The following NMNAT2 variants were observed in gnomAD, a reference collection of about 807,000 sequenced individuals.
The protein encoded by NMNAT2 is nicotinamide nucleotide adenylyltransferase 2, also known as nicotinamide/nicotinic acid mononucleotide adenylyltransferase 2.
Under a neutral mutation model 41.6 loss-of-function variants are expected in NMNAT2, and 11 were observed. The observed-to-expected ratio is 0.26, with a 90% CI of 0.17 to 0.44. The LOEUF is 0.44. Ranked by LOEUF, NMNAT2 falls within the 20% of genes least tolerant of loss-of-function variation. The probability of loss-of-function intolerance (pLI) is 1.00; values close to 1 mark genes in which losing one functional copy is unlikely to be tolerated. For missense variants in NMNAT2, 288 were observed against 407.7 expected (o/e 0.71, Z 2.53); for synonymous variants, 148 against 151.2 (o/e 0.98, Z 0.16).
intron 10 of NMNAT2, among the ~76,000 whole-genome samples, chr1:183,258,718 G>A (rs1208322983): frequency 1.3e-5 from 2 of 151,990 alleles, no homozygotes; most frequent in Non-Finnish European, 2.9e-5. Flanking sequence ...GCAATATTTT[G>A]TAGACCCTGC....
chr1:183,262,489 T>C (rs1405476262), intron 8 of NMNAT2, among the ~76,000 whole-genome samples: 1 of 152,226 alleles, frequency 6.6e-6, no homozygotes, highest in Non-Finnish European at 1.5e-5. Context: ...GAGCATTTTC[T>C]TACATTGTTA....
At chr1:183,371,281 A>G (rs994086151) in intron 1 of NMNAT2, among the ~76,000 whole-genome samples, 2 of 152,234 alleles carry the variant, frequency 1.3e-5, no homozygotes, top group Admixed American at 1.3e-4. Flanking sequence ...AACTGTGGAC[A>G]CTGTAAAAAG....
intron 1 of NMNAT2, among the ~76,000 whole-genome samples, chr1:183,308,445 C>T (rs1662043284): frequency 6.6e-6 from 1 of 152,150 alleles, no homozygotes; most frequent in Non-Finnish European, 1.5e-5. Flanking sequence ...CTGGCACTTC[C>T]ACCTCCAGGA....
intron 1 of NMNAT2, 92 bp from the exon 2 acceptor site, chr1:183,293,885 G>A (rs553951914): frequency 3.5e-6 from 3 of 861,748 alleles, no homozygotes; most frequent in Non-Finnish European, 5.7e-6. Flanking sequence ...CTGTAATGCT[G>A]GGGTTTATTT....
intron 1 of NMNAT2, among the ~76,000 whole-genome samples, chr1:183,348,359 G>A (rs866457064): frequency 6.6e-6 from 1 of 152,184 alleles, no homozygotes; most frequent in East Asian, 1.9e-4. Context: ...TGGGAATGCT[G>A]AGTGAGTTGC....
chr1:183,361,644 G>GT (rs771427196), intron 1 of NMNAT2, among the ~76,000 whole-genome samples: 19 of 152,152 alleles, frequency 1.2e-4, no homozygotes, highest in Admixed American at 3.9e-4. Context: ...AATGATGGCT[G>GT]TGTCTCCTAT....
In NMNAT2 at chr1:183,273,841, CCCTTCCTT is replaced by C. The variant is rs1158581494; in HGVS notation, c.651+4704_651+4711del. Among the ~76,000 whole-genome samples, 612 of 79,112 alleles carry C rather than the reference CCCTTCCTT, an allele frequency of 7.7e-3. 14 individuals are homozygous for C. Among genetic ancestry groups the C allele is most frequent in the African/African-American group, 0.037 (562 of 15,080 alleles). 51.9% of individuals were successfully genotyped at this position (79,112 alleles called of 152,430 possible). A position where few individuals can be genotyped will look rare whatever the true frequency, so the allele number is the denominator to read the frequency against. On this transcript the variant is annotated intron_variant, in intron 8 of 10. Transcript: ENST00000287713. ...CTTTCTTTTCCCTCCCTCCCTCCCT[CCCTTCCTT>C]CCTTCCTTCCTTCCTTCCTTCCTTC...
intron 3 of NMNAT2, 77 bp from the exon 4 acceptor site, chr1:183,290,283 A>C: frequency 8.3e-7 from 1 of 1,208,148 alleles, no homozygotes; most frequent in Non-Finnish European, 1.2e-6. Flanking sequence ...CAAAAATCAT[A>C]GCTCAGGAAG....
chr1:183,410,976 C>T (rs1247624248), intron 1 of NMNAT2, among the ~76,000 whole-genome samples: 2 of 152,086 alleles, frequency 1.3e-5, no homozygotes, highest in Non-Finnish European at 2.9e-5. Flanking sequence ...TCTTGGCCTC[C>T]CAAAGTGCTG....
intron 1 of NMNAT2, among the ~76,000 whole-genome samples, chr1:183,394,074 G>A (rs767427613): frequency 6.6e-6 from 1 of 152,194 alleles, no homozygotes; most frequent in Non-Finnish European, 1.5e-5. Context: ...GATAGAGGTT[G>A]ATGAGAAGCA....
At chr1:183,270,531 G>GA (rs200256017) in intron 8 of NMNAT2, among the ~76,000 whole-genome samples, 5,024 of 144,760 alleles carry the variant, frequency 0.035, 119 homozygotes, top group South Asian at 0.12. Context: ...CCCTCTTAAT[G>GA]AAAAAAAAAA....
intron 7 of NMNAT2, among the ~76,000 whole-genome samples, chr1:183,279,703 G>A (rs1028883689): frequency 6.6e-6 from 1 of 152,228 alleles, no homozygotes; most frequent in Non-Finnish European, 1.5e-5. Flanking sequence ...CTGAAGCAGG[G>A]GGGAGGCTAC....
At chr1:183,325,754 C>T (rs952544105) in intron 1 of NMNAT2, among the ~76,000 whole-genome samples, 5 of 152,320 alleles carry the variant, frequency 3.3e-5, no homozygotes, top group South Asian at 2.1e-4. Context: ...TCCCCTCACA[C>T]TCAAACAATA....
intron 1 of NMNAT2, among the ~76,000 whole-genome samples, chr1:183,404,211 G>T (rs983557686): frequency 6.7e-6 from 1 of 149,308 alleles, no homozygotes; most frequent in Non-Finnish European, 1.5e-5. Context: ...CGATTTTCCT[G>T]CCTCAGCCTC....
At chr1:183,372,392 A>G (rs1402527447) in intron 1 of NMNAT2, among the ~76,000 whole-genome samples, 3 of 152,216 alleles carry the variant, frequency 2.0e-5, no homozygotes, top group African/African-American at 7.2e-5. Flanking sequence ...GAAGGAGAGA[A>G]CAGCAAAGCC....
intron 3 of NMNAT2, among the ~76,000 whole-genome samples, chr1:183,292,539 G>T (rs1230282673): frequency 2.0e-5 from 3 of 152,236 alleles, no homozygotes; most frequent in Non-Finnish European, 4.4e-5. Context: ...ATCATGCCAG[G>T]ATTCAGAGAT....
chr1:183,319,222 G>C (rs1216457501), intron 1 of NMNAT2, among the ~76,000 whole-genome samples: 1 of 152,156 alleles, frequency 6.6e-6, no homozygotes, highest in African/African-American at 2.4e-5. Flanking sequence ...CTTCCATTCT[G>C]CCAACATCGA....
chr1:183,319,776 G>A (rs950274836), intron 1 of NMNAT2, among the ~76,000 whole-genome samples: 8 of 152,232 alleles, frequency 5.3e-5, no homozygotes, highest in South Asian at 2.1e-4. Flanking sequence ...CAGAAATTGG[G>A]GAACTTCCAT....
chr1:183,322,705 T>C (rs1237011472), intron 1 of NMNAT2, among the ~76,000 whole-genome samples: 1 of 152,074 alleles, frequency 6.6e-6, no homozygotes, highest in Non-Finnish European at 1.5e-5. Flanking sequence ...CATACCCAAA[T>C]CATAGGATGA....
Sources: allele counts gnomAD v4.1 joint callset (sites outside exome capture counted in the v4.1 genomes callset), GRCh38; gene constraint gnomAD v4.1.1; transcripts MANE v1.5; gene names NCBI Gene and HGNC (gene_info 2026-07-23, HGNC 2026-07-21).